The following SGCD variants were observed in gnomAD, a reference collection of about 807,000 sequenced individuals.
SGCD encodes delta-sarcoglycan.
A neutral mutation model predicts 36.6 loss-of-function variants in SGCD; 18 were observed. The observed-to-expected ratio is 0.49, with a 90% CI of 0.34 to 0.73. SGCD has a LOEUF of 0.73. Among genes scored for constraint, SGCD ranks in the 30% least tolerant of loss-of-function variants. SGCD has a pLI of 0.01. For synonymous variants in SGCD, 133 were observed against 130.6 expected, an observed-to-expected ratio of 1.02 and a Z score of -0.12; for missense variants, 387 against 346.7, an observed-to-expected ratio of 1.12 and a Z score of -0.92.
chr5:156,339,444 C>T (rs1294784777), intron 2 of SGCD, among the ~76,000 whole-genome samples: 1 of 152,206 alleles, frequency 6.6e-6, no homozygotes. Flanking sequence ...TAGCTAGTTA[C>T]TTATTACTAG....
chr5:155,825,469 C>T, the SGCD span, among the ~76,000 whole-genome samples: 2 of 152,114 alleles, frequency 1.3e-5, no homozygotes, highest in East Asian at 1.9e-4. Flanking sequence ...GATTGTGAAA[C>T]AAATGCTTGG....
chr5:156,440,733 C>T (rs1753451253), intron 3 of SGCD, among the ~76,000 whole-genome samples: 2 of 152,064 alleles, frequency 1.3e-5, no homozygotes, highest in Admixed American at 6.6e-5. Flanking sequence ...TAATTTCCTG[C>T]ACTTATTGGC....
the SGCD span, among the ~76,000 whole-genome samples, chr5:155,833,944 C>A: frequency 1.3e-5 from 2 of 152,206 alleles, no homozygotes; most frequent in African/African-American, 2.4e-5. Context: ...TTCTTAGAGA[C>A]CCTACACTGA....
rs1168693421 is a variant in SGCD at position 156,766,835 on chromosome 5, G to C, written c.*7445G>C. ...TCAACCTGCCTTCACCCAGAGCTTA[G>C]AGGGCCACAGCAGCAAAGAGGTTGG... is the stretch of plus-strand genomic sequence containing the variant. On this transcript the variant is annotated 3_prime_UTR_variant, in exon 9 of 9. Transcript: ENST00000337851. The C allele has an allele frequency of 6.6e-6, 1 of 152,000 alleles. No individual in the cohort carries two copies. The highest frequency in any genetic ancestry group is 2.4e-5 in the African/African-American group (1 of 41,378). The allele number at this position is 152,000 out of a possible 1,614,324, so 9.4% of individuals were successfully genotyped here.
rs540898527 is a variant in SGCD, at chr5:156,031,321, A to G, written c.-281-86557A>G. On this transcript the variant is annotated intron_variant, in intron 1 of 9. Coordinates refer to the SGCD transcript ENST00000517913. ...GATGTAGACAGACAGGAACTTGAAA[A>G]TGAGACAAGAGGCCTAGAAACCCTT... Among the ~76,000 whole-genome samples, 5 of 152,300 alleles carry G rather than the reference A, an allele frequency of 3.3e-5. No individual in the cohort carries two copies. The East Asian group carries it at 9.7e-4, about 29-fold the overall frequency.
At chr5:155,738,942 TGAGAGAGAAAGA>T in the SGCD span, among the ~76,000 whole-genome samples, 4 of 151,672 alleles carry the variant, frequency 2.6e-5, no homozygotes, top group South Asian at 2.1e-4. Flanking sequence ...AGAGTGTGTG[TGAGAGAGAAAGA>T]GAGAGAGAAA....
intron 1 of SGCD, among the ~76,000 whole-genome samples, chr5:156,083,144 A>T (rs1761004150): frequency 6.6e-6 from 1 of 151,300 alleles, no homozygotes; most frequent in Non-Finnish European, 1.5e-5. Context: ...GAGTTGTGAG[A>T]CTTCTGTATA....
chr5:155,731,343 G>A, the SGCD span, among the ~76,000 whole-genome samples: 1 of 152,046 alleles, frequency 6.6e-6, no homozygotes, highest in Non-Finnish European at 1.5e-5. Context: ...GAGTGGGAAT[G>A]GGTGGGGAAG....
At chr5:156,312,230 T>C (rs1767408447) in intron 3 of SGCD, among the ~76,000 whole-genome samples, 1 of 152,172 alleles carries the variant, frequency 6.6e-6, no homozygotes, top group African/African-American at 2.4e-5. Context: ...GAAAGGAAAT[T>C]TTTTGGTCCC....
chr5:156,297,030 A>AT (rs1554090858), intron 3 of SGCD, among the ~76,000 whole-genome samples: 7,609 of 140,214 alleles, frequency 0.054, 615 homozygotes, highest in African/African-American at 0.21. Flanking sequence ...ATAGCATATA[A>AT]ATATATATAT....
intron 7 of SGCD, among the ~76,000 whole-genome samples, chr5:156,707,512 G>A (rs191022740): frequency 6.6e-6 from 1 of 152,216 alleles, no homozygotes; most frequent in Non-Finnish European, 1.5e-5. Flanking sequence ...ACATGAAAGA[G>A]CCAAAATGAA....
chr5:156,000,756 C>A (rs1378916959), intron 1 of SGCD, among the ~76,000 whole-genome samples: 1 of 151,842 alleles, frequency 6.6e-6, no homozygotes, highest in Non-Finnish European at 1.5e-5. Flanking sequence ...GAATCAATGA[C>A]TACTCAAGGG....
chr5:156,526,315 G>T lies in SGCD; in HGVS notation c.294+17613G>T, dbSNP rs187630295. 9.9e-4 allele frequency among the ~76,000 whole-genome samples: 150 copies of T among 152,252 alleles called. 1 individual carries two copies. The highest frequency in any genetic ancestry group is 8.3e-3 in the Admixed American group (127 of 15,270). On this transcript the variant is annotated intron_variant, in intron 4 of 8. Coordinates refer to ENST00000337851, the MANE Select transcript of SGCD (RefSeq NM_000337.6). ...GGCAGACACGCACACAGTCTGAATAGGTTCCATTGATAAATTAGTTGCAAG... is the reference window on the plus strand; with the variant it reads ...GGCAGACACGCACACAGTCTGAATATGTTCCATTGATAAATTAGTTGCAAG...
the SGCD span, among the ~76,000 whole-genome samples, chr5:155,858,504 A>G: frequency 6.6e-6 from 1 of 152,234 alleles, no homozygotes; most frequent in African/African-American, 2.4e-5. Context: ...TTCACATCAA[A>G]TTCAAGGATA....
intron 3 of SGCD, among the ~76,000 whole-genome samples, chr5:156,185,890 C>T (rs1486340874): frequency 8.6e-4 from 47 of 54,638 alleles, no homozygotes; most frequent in African/African-American, 2.4e-3. Flanking sequence ...GAGAGAGGGC[C>T]ATGTCTCCCA....
chr5:155,857,846 A>G, the SGCD span, among the ~76,000 whole-genome samples: 1 of 152,236 alleles, frequency 6.6e-6, no homozygotes. Context: ...CCAAATGGAC[A>G]GTCTGTATCT....
the SGCD span, among the ~76,000 whole-genome samples, chr5:155,735,883 A>G: frequency 1.6e-3 from 244 of 152,036 alleles, no homozygotes; most frequent in African/African-American, 5.2e-3. Context: ...TCCTCCTTTG[A>G]TGTTCTTGTA....
chr5:155,816,676 G>C, the SGCD span, among the ~76,000 whole-genome samples: 1 of 152,098 alleles, frequency 6.6e-6, no homozygotes, highest in Non-Finnish European at 1.5e-5. Context: ...TTCCTAGAGG[G>C]GGTGAGTTTT....
At chr5:156,680,736 C>T (rs1330607376) in intron 7 of SGCD, among the ~76,000 whole-genome samples, 1 of 152,186 alleles carries the variant, frequency 6.6e-6, no homozygotes, top group African/African-American at 2.4e-5. Context: ...TGCTGTGTCT[C>T]AAGGCAGAGT....
Sources: gnomAD v4.1 joint callset for allele counts (sites outside exome capture counted in the v4.1 genomes callset) on GRCh38, gnomAD v4.1.1 for gene constraint, MANE v1.5 for transcripts, NCBI Gene and HGNC (gene_info 2026-07-23, HGNC 2026-07-21) for gene names.